The following MIGA1 variants were observed in gnomAD, a reference collection of about 807,000 sequenced individuals.
The protein encoded by MIGA1 is family with sequence similarity 73, member A.
Under a neutral mutation model 82.0 loss-of-function variants are expected in MIGA1, and 58 were observed. The observed-to-expected ratio is 0.71, with a 90% CI of 0.57 to 0.88. MIGA1 has a LOEUF of 0.88. Ranked by LOEUF, MIGA1 falls within the 40% of genes least tolerant of loss-of-function variation. MIGA1 has a pLI of 0.00. For missense variants in MIGA1, 751 were observed against 749.1 expected, an observed-to-expected ratio of 1.00 and a Z score of -0.03; for synonymous variants, 249 against 253.6, an observed-to-expected ratio of 0.98 and a Z score of 0.17.
At chr1:77,788,619 T>C (rs571353780) in intron 2 of MIGA1, among the ~76,000 whole-genome samples, 3 of 152,320 alleles carry the variant, frequency 2.0e-5, no homozygotes, top group African/African-American at 7.2e-5. Context: ...ATTTAGGTCT[T>C]TGATCCATTT....
chr1:77,844,399 C>T (rs1393320529), intron 8 of MIGA1, among the ~76,000 whole-genome samples: 3 of 151,612 alleles, frequency 2.0e-5, no homozygotes, highest in African/African-American at 7.3e-5. Context: ...AAAAAGGAAA[C>T]AAACGTGCGT....
chr1:77,858,454 A>G lies in MIGA1; in HGVS notation c.997-484A>G, dbSNP rs150529673. Among the ~76,000 whole-genome samples the G allele has an allele frequency of 1.5e-4, 23 of 152,332 alleles. No individual in the cohort carries two copies. The East Asian group carries it at 4.0e-3, about 27-fold the overall frequency. On this transcript the variant is annotated intron_variant, in intron 8 of 15. Coordinates refer to ENST00000370791, the MANE Select transcript of MIGA1 (RefSeq NM_198549.4). Reference sequence around the variant, plus strand: ...AAGTTTTACTCTTTTTAACAACTCTATTGAAGTAAAATCAATTCAGATTTT... The same window carrying G: ...AAGTTTTACTCTTTTTAACAACTCTGTTGAAGTAAAATCAATTCAGATTTT...
intron 14 of MIGA1, among the ~76,000 whole-genome samples, chr1:77,871,102 G>GGAGAGA (rs1480144315): frequency 4.5e-5 from 1 of 21,998 alleles, no homozygotes; most frequent in Non-Finnish European, 2.3e-4. Context: ...AGGGGGAGAG[G>GGAGAGA]GAGAGGGAGA....
intron 8 of MIGA1, among the ~76,000 whole-genome samples, chr1:77,844,143 G>GATATAT (rs1557924430): frequency 9.3e-6 from 1 of 107,752 alleles, no homozygotes; most frequent in African/African-American, 4.2e-5. Context: ...TATATAGATA[G>GATATAT]ATAGATAGAT....
At chr1:77,785,101 A>G (rs1682090596) in intron 2 of MIGA1, among the ~76,000 whole-genome samples, 1 of 152,180 alleles carries the variant, frequency 6.6e-6, no homozygotes, top group South Asian at 2.1e-4. Context: ...CCTTCCCAAC[A>G]GTCCCTCAAA....
At chr1:77,811,182 G>A in intron 5 of MIGA1, 1 of 1,528,604 alleles carries the variant, frequency 6.5e-7, no homozygotes. Flanking sequence ...CAGGAGTTAA[G>A]TCTATGCCAT....
intron 8 of MIGA1, among the ~76,000 whole-genome samples, 198 bp downstream of exon 8, chr1:77,843,605 C>T (rs1272654065): frequency 6.6e-6 from 1 of 152,024 alleles, no homozygotes; most frequent in Non-Finnish European, 1.5e-5. Flanking sequence ...AGGAGATGGA[C>T]CTGTAAACAC....
intron 7 of MIGA1, among the ~76,000 whole-genome samples, chr1:77,833,620 CAAG>C (rs1286724996): frequency 6.6e-6 from 1 of 152,076 alleles, no homozygotes; most frequent in African/African-American, 2.4e-5. Flanking sequence ...ACCTTTGTGC[CAAG>C]AAGAAGGTCC....
chr1:77,864,104 T>C, intron 13 of MIGA1, 76 bp downstream of exon 13: 4 of 1,488,608 alleles, frequency 2.7e-6, no homozygotes, highest in Non-Finnish European at 3.6e-6. Context: ...CTCACGCCTG[T>C]AATCCCAGCA....
rs573478060 is a variant in MIGA1, at chr1:77,805,171, T to A, written c.510+1765T>A. 3.8e-3 allele frequency among the ~76,000 whole-genome samples: 571 copies of A among 151,712 alleles called. 9 individuals are homozygous for A. The highest frequency in any genetic ancestry group is 0.031 in the South Asian group (151 of 4,794). ...CACCACGCCCGGCTAATTTTTTGTA[T>A]TTTTTAGTAGAGACGGGGTTTCACC... On this transcript the variant is annotated intron_variant, in intron 4 of 15. Transcript: ENST00000370791.
intron 2 of MIGA1, among the ~76,000 whole-genome samples, chr1:77,799,531 G>A (rs975980783): frequency 6.6e-6 from 1 of 152,144 alleles, no homozygotes; most frequent in African/African-American, 2.4e-5. Context: ...TGATTAGGAC[G>A]TATCCTCATT....
intron 8 of MIGA1, among the ~76,000 whole-genome samples, chr1:77,851,813 C>T (rs1446147660): frequency 1.3e-5 from 2 of 150,646 alleles, no homozygotes; most frequent in African/African-American, 4.9e-5. Context: ...GGATTGTCTT[C>T]TTATTATTGT....
intron 8 of MIGA1, among the ~76,000 whole-genome samples, chr1:77,848,999 A>G (rs1416553539): frequency 2.0e-5 from 3 of 151,904 alleles, no homozygotes; most frequent in African/African-American, 7.3e-5. Flanking sequence ...GAATTTATAT[A>G]GAGTATGTAC....
chr1:77,859,843 C>G, intron 10 of MIGA1, 197 bp from the exon 11 acceptor site: 1 of 471,638 alleles, frequency 2.1e-6, no homozygotes, highest in East Asian at 3.4e-5. Flanking sequence ...ATTTAACTCC[C>G]TTTAATCTTT....
chr1:77,857,726 GT>G lies in MIGA1; in HGVS notation c.997-1195del, dbSNP rs766194564. On this transcript the variant is annotated intron_variant, in intron 8 of 15. Coordinates refer to ENST00000370791, the MANE Select transcript of MIGA1 (RefSeq NM_198549.4). ...TTTTCTAGAAGTTTTCTGGGTTGTT[GT>G]TTTTTTTTTTTTTTTTGCTTAGCTG... Among the ~76,000 whole-genome samples, 580 of 110,942 alleles carry G rather than the reference GT, an allele frequency of 5.2e-3. 1 individual carries two copies. The highest frequency in any genetic ancestry group is 0.017 in the African/African-American group (507 of 29,664). The allele number at this position is 110,942 out of a possible 152,430, so 72.8% of individuals were successfully genotyped here. A position where few individuals can be genotyped will look rare whatever the true frequency, so the allele number is the denominator to read the frequency against.
rs1054899286 is a variant in MIGA1, at chr1:77,848,070, C to T, written c.996+4663C>T. 63 of 1,293,590 alleles carry T rather than the reference C, an allele frequency of 4.9e-5. No homozygotes were observed. The African/African-American group carries it at 8.5e-4, about 17-fold the overall frequency. The allele number at this position is 1,293,590 out of a possible 1,614,324, so 80.1% of individuals were successfully genotyped here. Reference sequence around the variant, plus strand: ...GAAAGGATCACGAACATCGAGAGGACACGAGAAAAGGGAAGATCAGCACCA... The same window carrying T: ...GAAAGGATCACGAACATCGAGAGGATACGAGAAAAGGGAAGATCAGCACCA... On this transcript the variant is annotated intron_variant, in intron 8 of 15. Transcript: ENST00000370791.
At chr1:77,855,654 G>A (rs916143292) in intron 8 of MIGA1, among the ~76,000 whole-genome samples, 2 of 151,362 alleles carry the variant, frequency 1.3e-5, no homozygotes, top group Non-Finnish European at 2.9e-5. Context: ...TTTTTTTGTA[G>A]CTGTTGTAAA....
At chr1:77,828,408 TTACGAGGCCCTGCAGG>T (rs1236608511) in intron 7 of MIGA1, among the ~76,000 whole-genome samples, 1 of 152,214 alleles carries the variant, frequency 6.6e-6, no homozygotes, top group African/African-American at 2.4e-5. Context: ...GCATTTCTGC[TTACGAGGCCCTGCAGG>T]TAATATCTGA....
intron 7 of MIGA1, among the ~76,000 whole-genome samples, chr1:77,823,063 G>A (rs796066437): frequency 6.6e-5 from 10 of 151,602 alleles, no homozygotes; most frequent in African/African-American, 2.4e-4. Flanking sequence ...GGCTGGTCTC[G>A]AACTCCTGAC....
Sources: allele counts gnomAD v4.1 joint callset (sites outside exome capture counted in the v4.1 genomes callset), GRCh38; gene constraint gnomAD v4.1.1; transcripts MANE v1.5; gene names NCBI Gene and HGNC (gene_info 2026-07-23, HGNC 2026-07-21).